TBC1D19: variants seen among roughly 807,000 people sequenced by gnomAD.
The protein encoded by TBC1D19 is TBC1 domain family member 19, also known as TBC1 domain family, member 19.
TBC1D19 carries 60 observed loss-of-function variants against 89.0 expected under a neutral mutation model. That is an observed-to-expected ratio of 0.67 (90% confidence interval 0.55 to 0.84). The LOEUF (loss-of-function observed/expected upper bound fraction) is 0.84, where lower values mean the gene tolerates loss of function less well. Among genes scored for constraint, TBC1D19 ranks in the 40% least tolerant of loss-of-function variants. TBC1D19 has a pLI of 0.00. For missense variants in TBC1D19, 500 were observed against 610.8 expected, an observed-to-expected ratio of 0.82 and a Z score of 1.91; for synonymous variants, 189 against 199.7, an observed-to-expected ratio of 0.95 and a Z score of 0.45.
chr4:26,590,796 G>GTTTTTTTTTTTTGTTTTTTTTTTTTTT (rs1739724314), intron 1 of TBC1D19, among the ~76,000 whole-genome samples: 1 of 52,958 alleles, frequency 1.9e-5, no homozygotes, highest in Non-Finnish European at 3.1e-5. Flanking sequence ...TTGCAGGTCT[G>GTTTTTTTTTTTTGTTTTTTTTTTTTTT]TTTTTTTTTT....
Position 26,584,273 on chromosome 4 carries a change from A to T in TBC1D19, c.80A>T (p.Gln27Leu). 5 of 1,610,938 alleles carry T rather than the reference A, an allele frequency of 3.1e-6. No homozygotes were observed. In the South Asian group the frequency reaches 5.5e-5, roughly 18 times the overall value. The change falls in exon 1 of 21, where the codon CAG becomes CTG. Residue 27 changes from glutamine (Q) to leucine (L), a missense_variant. Gln to Leu is a moderately radical substitution (Grantham distance 113). This residue lies in a region of TBC1D19 where 280 missense variants were observed against 291.7 expected (regional missense o/e 0.96). Coordinates refer to ENST00000264866, the MANE Select transcript of TBC1D19 (RefSeq NM_018317.4). The stretch of plus-strand genomic sequence containing the variant: ...CTCAAGGGCTCCAATTTGTACTCTC[A>T]GCTGGAACGGCAGGCCTGGGTAAGT... ...QKLKGSNLYS[Q>L]LERQAWASLQ... is the part of the protein sequence containing the mutation.
intron 13 of TBC1D19, among the ~76,000 whole-genome samples, chr4:26,697,184 G>A (rs878955931): frequency 6.6e-6 from 1 of 152,062 alleles, no homozygotes; most frequent in South Asian, 2.1e-4. Flanking sequence ...TGTCACCACC[G>A]ATCCCACAGA....
the TBC1D19 span, among the ~76,000 whole-genome samples, chr4:26,841,607 G>A: frequency 6.6e-6 from 1 of 152,184 alleles, no homozygotes; most frequent in Non-Finnish European, 1.5e-5. Context: ...GGGGGAACAT[G>A]GCAGCTGTCA....
intron 4 of TBC1D19, among the ~76,000 whole-genome samples, chr4:26,622,306 T>G (rs1434454253): frequency 6.6e-6 from 1 of 152,164 alleles, no homozygotes; most frequent in Non-Finnish European, 1.5e-5. Context: ...GCCTGAATAT[T>G]TTTTAGTGAA....
At chr4:26,813,187 G>C in the TBC1D19 span, among the ~76,000 whole-genome samples, 1 of 152,092 alleles carries the variant, frequency 6.6e-6, no homozygotes, top group Admixed American at 6.5e-5. Flanking sequence ...GCAGAGGCTC[G>C]CTGCAGAGAC....
At chr4:26,655,575 G>T (rs997293146) in intron 7 of TBC1D19, among the ~76,000 whole-genome samples, 2 of 152,180 alleles carry the variant, frequency 1.3e-5, no homozygotes, top group Admixed American at 1.3e-4. Context: ...GCAATGGCAC[G>T]CGCCCCTCTC....
the TBC1D19 span, among the ~76,000 whole-genome samples, chr4:26,826,035 C>G: frequency 1.3e-5 from 2 of 152,126 alleles, no homozygotes; most frequent in African/African-American, 4.8e-5. Flanking sequence ...AACCCCATCT[C>G]TACTAAAAAT....
At chr4:26,795,146 G>A in the TBC1D19 span, among the ~76,000 whole-genome samples, 15 of 152,152 alleles carry the variant, frequency 9.9e-5, no homozygotes, top group African/African-American at 2.4e-4. Flanking sequence ...CACCTTACTC[G>A]TTCCAGCTCA....
the TBC1D19 span, among the ~76,000 whole-genome samples, chr4:26,843,447 ATAG>A: frequency 8.5e-5 from 13 of 152,092 alleles, no homozygotes; most frequent in African/African-American, 3.1e-4. Context: ...GAAAGAAGAG[ATAG>A]TGCTGACCAT....
intron 18 of TBC1D19, among the ~76,000 whole-genome samples, 168 bp from the exon 19 acceptor site, chr4:26,748,243 T>C (rs577689950): frequency 5.8e-4 from 89 of 152,346 alleles, no homozygotes; most frequent in African/African-American, 2.0e-3. Flanking sequence ...TGAGGACTTA[T>C]GGTTTCTCAC....
chr4:26,652,346 A>G (rs1002756513), intron 7 of TBC1D19, among the ~76,000 whole-genome samples: 1 of 152,008 alleles, frequency 6.6e-6, no homozygotes. Context: ...CTGGTCCTGG[A>G]CTTTTTTTTG....
the TBC1D19 span, among the ~76,000 whole-genome samples, chr4:26,793,722 C>CAAAA: frequency 3.8e-5 from 3 of 78,976 alleles, no homozygotes; most frequent in African/African-American, 1.1e-4. Context: ...GACTTCGTCT[C>CAAAA]AAAAAAAAAA....
the TBC1D19 span, among the ~76,000 whole-genome samples, chr4:26,835,398 T>C: frequency 6.6e-6 from 1 of 152,218 alleles, no homozygotes; most frequent in Non-Finnish European, 1.5e-5. Flanking sequence ...CATCCAGACC[T>C]ATAAGATAAT....
At chr4:26,700,737 A>C in intron 13 of TBC1D19, among the ~76,000 whole-genome samples, 1 of 152,290 alleles carries the variant, frequency 6.6e-6, no homozygotes, top group East Asian at 1.9e-4. Flanking sequence ...GTTTTGTCCT[A>C]AAGAAAGAAT....
intron 8 of TBC1D19, among the ~76,000 whole-genome samples, chr4:26,664,576 A>G (rs73114637): frequency 0.043 from 6,502 of 152,200 alleles, 475 homozygotes; most frequent in African/African-American, 0.15. Flanking sequence ...ATGGAAGAAT[A>G]ACACATTTTT....
At chr4:26,644,853 T>C (rs1299851854) in intron 7 of TBC1D19, among the ~76,000 whole-genome samples, 1 of 152,120 alleles carries the variant, frequency 6.6e-6, no homozygotes, top group Non-Finnish European at 1.5e-5. Context: ...TACCTAGGAA[T>C]CCAACTTACA....
chr4:26,853,843 A>G, the TBC1D19 span, among the ~76,000 whole-genome samples: 1 of 152,184 alleles, frequency 6.6e-6, no homozygotes. Context: ...CCAAGAAACA[A>G]CTTTTAAAAT....
At chr4:26,763,835 T>C in the TBC1D19 span, among the ~76,000 whole-genome samples, 2 of 152,226 alleles carry the variant, frequency 1.3e-5, no homozygotes, top group Non-Finnish European at 2.9e-5. Context: ...GCAAGTGTGA[T>C]AGAGGAAGAG....
chr4:26,780,462 AT>A, the TBC1D19 span, among the ~76,000 whole-genome samples: 8 of 152,334 alleles, frequency 5.3e-5, no homozygotes, highest in Non-Finnish European at 1.0e-4. Context: ...TGGCTCAGAG[AT>A]TGAGCAGGTT....
Sources: gnomAD v4.1 joint callset for allele counts (sites outside exome capture counted in the v4.1 genomes callset) on GRCh38, gnomAD v4.1.1 for gene constraint, gnomAD v4.1.1 regional missense constraint, MANE v1.5 for transcripts, NCBI Gene and HGNC (gene_info 2026-07-23, HGNC 2026-07-21) for gene names.